STRIP2: variants seen among roughly 807,000 people sequenced by gnomAD.
The protein encoded by STRIP2 is striatin-interacting protein 2.
In STRIP2, 84 loss-of-function variants were observed where a neutral mutation model predicts 107.1. The ratio of observed to expected loss-of-function variants is 0.78; its 90% CI spans 0.66 to 0.94. STRIP2 has a LOEUF of 0.94. Among genes scored for constraint, STRIP2 ranks in the 40% least tolerant of loss-of-function variants. STRIP2 has a pLI of 0.00. For missense variants in STRIP2, 888 were observed against 1,034.2 expected, an observed-to-expected ratio of 0.86 and a Z score of 1.94; for synonymous variants, 394 against 400.4, an observed-to-expected ratio of 0.98 and a Z score of 0.19.
intron 20 of STRIP2, 119 bp from the exon 21 acceptor site, chr7:129,485,455 CAAAAA>C (rs34127145): frequency 5.7e-5 from 44 of 770,598 alleles, no homozygotes; most frequent in African/African-American, 1.6e-4. Flanking sequence ...TTGCTCTTTA[CAAAAA>C]AAAAAAAAAA....
chr7:129,476,552 G>A (rs1562916713), intron 18 of STRIP2, among the ~76,000 whole-genome samples: 1 of 151,592 alleles, frequency 6.6e-6, no homozygotes, highest in African/African-American at 2.4e-5. Flanking sequence ...TCGCGGCCGG[G>A]CAGAGGCACT....
At chr7:129,438,399 T>A (rs1429523683) in intron 1 of STRIP2, among the ~76,000 whole-genome samples, 1 of 152,238 alleles carries the variant, frequency 6.6e-6, no homozygotes, top group Non-Finnish European at 1.5e-5. Flanking sequence ...GTGAGAAGAA[T>A]GCCTTTATAG....
At chr7:129,477,067 C>T (rs1046710419) in intron 18 of STRIP2, among the ~76,000 whole-genome samples, 5 of 151,400 alleles carry the variant, frequency 3.3e-5, no homozygotes, top group South Asian at 4.2e-4. Flanking sequence ...CGCAGGCACT[C>T]GGCAGGCTGA....
In STRIP2 at chr7:129,441,231, AGGGTG is replaced by A. The variant is rs571801068; in HGVS notation, c.199+1141_199+1145del. Among the ~76,000 whole-genome samples the A allele has an allele frequency of 5.7e-3, 875 of 152,318 alleles. 7 individuals are homozygous for A. Among genetic ancestry groups the A allele is most frequent in the African/African-American group, 0.02 (832 of 41,580 alleles). Reference sequence around the variant, plus strand: ...AAAACTTAAAAGCCTGGGGTTGGTGAGGGTGCAGAGAAATTAGTACTTTTATGCAC... The same window carrying A: ...AAAACTTAAAAGCCTGGGGTTGGTGACAGAGAAATTAGTACTTTTATGCAC... On this transcript the variant is annotated intron_variant, in intron 2 of 20. Transcript: ENST00000249344.
chr7:129,483,113 T>A lies in STRIP2; in HGVS notation c.2254+67T>A. ...GGTTTAGACAAAACTAAATAAATAT[T>A]TATCACTCCTCTTTTGGCATGAATT... On this transcript the variant is annotated intron_variant, in intron 20 of 20. Transcript: ENST00000249344. This position sits in a 1 kb window ranked among gnomAD's most constrained non-coding sequence, Gnocchi z 5.1. 6.4e-7 allele frequency: 1 copy of A among 1,552,776 alleles called. No homozygotes were observed. Among genetic ancestry groups the A allele is most frequent in the African/African-American group, 1.4e-5 (1 of 72,914 alleles).
At position 129,464,061 on chromosome 7, in the gene STRIP2, T is replaced by C. The variant is rs981377976; in HGVS notation, c.1569T>C (p.Ile523=). The C allele has an allele frequency of 6.2e-7, 1 of 1,613,676 alleles. No homozygotes were observed. ...CTTCTCAGATCGCTCTGCTTAAGAT[T>C]CTGCTGGCTGCAGCTCCCACCTCTA... ...LPQYMIALLK[I]LLAAAPTSKA... Residue 523 remains isoleucine (I), a synonymous_variant, in exon 15 of 21, where the codon ATT becomes ATC. Coordinates refer to ENST00000249344, the MANE Select transcript of STRIP2 (RefSeq NM_020704.3).
At chr7:129,481,152 T>C (rs527593942) in intron 19 of STRIP2, among the ~76,000 whole-genome samples, 8 of 152,314 alleles carry the variant, frequency 5.3e-5, no homozygotes, top group African/African-American at 1.7e-4. Flanking sequence ...TTGGATTACA[T>C]ACATTCCCAA....
intron 18 of STRIP2, among the ~76,000 whole-genome samples, chr7:129,471,253 G>A (rs1195206629): frequency 6.6e-6 from 1 of 152,076 alleles, no homozygotes. Flanking sequence ...AGTCACTCAC[G>A]GTTATTCTTA....
chr7:129,457,317 A>G (rs1216368616), intron 9 of STRIP2, among the ~76,000 whole-genome samples: 1 of 152,232 alleles, frequency 6.6e-6, no homozygotes, highest in Non-Finnish European at 1.5e-5. Flanking sequence ...TATACCGAAC[A>G]CCATATGCAA....
rs2151021169 is a variant in STRIP2 at position 129,483,245 on chromosome 7, C to T, written c.2254+199C>T. 3 of 1,268,226 alleles carry T rather than the reference C, an allele frequency of 2.4e-6. No homozygotes were observed. Among genetic ancestry groups the T allele is most frequent in the Non-Finnish European group, 3.0e-6 (3 of 1,006,926 alleles). 78.6% of individuals were successfully genotyped at this position (1,268,226 alleles called of 1,614,324 possible). On this transcript the variant is annotated intron_variant, in intron 20 of 20. Coordinates refer to ENST00000249344, the MANE Select transcript of STRIP2 (RefSeq NM_020704.3). The surrounding 1 kb of genome is among the most constrained non-coding windows in gnomAD (Gnocchi z 5.1). The stretch of plus-strand genomic sequence containing the variant: ...AGTATGTACCCTTGTCCTATGTAAA[C>T]TATGAAAATCCGTTTTATAAAACAA...
At chr7:129,437,798 C>CTTTTTTTTTTTTT (rs1797783124) in intron 1 of STRIP2, among the ~76,000 whole-genome samples, 2 of 93,728 alleles carry the variant, frequency 2.1e-5, no homozygotes, top group African/African-American at 3.3e-5. Context: ...CATGATTCGC[C>CTTTTTTTTTTTTT]TTGTTTTTTT....
rs775742735 is a variant in STRIP2 at position 129,460,301 on chromosome 7, C to T, written c.1405C>T (p.His469Tyr). ...GTTGATGTCTTCTTATCTTTGTCAG[C>T]ACAAGTATATCTCCATCGCAGATGT... ...IHESVKTLKQ[H>Y]KYISIADVQI... The change falls in exon 13 of 21, where the codon CAC becomes TAC. Residue 469 changes from histidine (H) to tyrosine (Y), a missense_variant and splice_region_variant. Physicochemically the swap from His to Tyr is moderately conservative, Grantham distance 83 (BLOSUM62 2). Coordinates refer to ENST00000249344, the MANE Select transcript of STRIP2 (RefSeq NM_020704.3). The T allele has an allele frequency of 1.2e-6, 2 of 1,613,240 alleles. No homozygotes were observed. Among genetic ancestry groups the T allele is most frequent in the Non-Finnish European group, 1.7e-6 (2 of 1,179,612 alleles).
Position 129,453,431 on chromosome 7 carries a change from T to C in STRIP2, c.530+84T>C, listed in dbSNP as rs141952332. On this transcript the variant is annotated intron_variant, in intron 5 of 20. Coordinates refer to ENST00000249344, the MANE Select transcript of STRIP2 (RefSeq NM_020704.3). ...ATGTTCTATGCTGCTTCCCTCACTA[T>C]AGAGACCCCCTGTGAGGAACTGGGT... The C allele has an allele frequency of 1.2e-4, 180 of 1,548,144 alleles. 1 individual carries two copies. The East Asian group carries it at 3.3e-3, about 29-fold the overall frequency.
chr7:129,471,937 C>T (rs981247336), intron 18 of STRIP2, among the ~76,000 whole-genome samples: 4 of 152,170 alleles, frequency 2.6e-5, no homozygotes, highest in African/African-American at 9.6e-5. Flanking sequence ...TTGTCTAACC[C>T]TCTCTATGTT....
chr7:129,448,488 C>T (rs1400886259), intron 3 of STRIP2, among the ~76,000 whole-genome samples: 2 of 152,174 alleles, frequency 1.3e-5, no homozygotes, highest in East Asian at 3.8e-4. Flanking sequence ...TATTAACTGG[C>T]TCAAGTCTGG....
chr7:129,459,430 T>C (rs1338466905), intron 11 of STRIP2, 87 bp from the exon 12 acceptor site: 6 of 1,135,670 alleles, frequency 5.3e-6, no homozygotes, highest in Non-Finnish European at 6.7e-6. Context: ...GAAAGTAGCA[T>C]GGTCTGTTGA....
Position 129,464,084 on chromosome 7 carries a change from C to CT in STRIP2, c.1593dup (p.Lys532Ter). On this transcript the variant is annotated frameshift_variant, in exon 15 of 21. Coordinates refer to ENST00000249344, the MANE Select transcript of STRIP2 (RefSeq NM_020704.3). LOFTEE classifies it high-confidence loss of function. ...ATTCTGCTGGCTGCAGCTCCCACCT[C>CT]TAAGGCTAAGACAGACTCTATCAAT... The CT allele has an allele frequency of 6.2e-7, 1 of 1,613,582 alleles. No individual in the cohort carries two copies. The highest frequency in any genetic ancestry group is 1.3e-5 in the African/African-American group (1 of 75,022).
In STRIP2 at chr7:129,459,555, A is replaced by G. The variant is rs760063390; in HGVS notation, c.1379A>G (p.His460Arg). 2 of 1,614,104 alleles carry G rather than the reference A, an allele frequency of 1.2e-6. No homozygotes were observed. The highest frequency in any genetic ancestry group is 1.1e-5 in the South Asian group (1 of 91,068). Residue 460 changes from histidine to arginine, a missense_variant, in exon 12 of 21, where the codon CAT becomes CGT. Transcript: ENST00000249344. Reference protein sequence around the residue: ...DTLVGLPRPIHESVKTLKQHK... With the variant: ...DTLVGLPRPIRESVKTLKQHK... Reference sequence around the variant, plus strand: ...TTGGTTGGATTACCCAGGCCCATCCATGAGAGTGTGAAGACCCTAAAGCAG... The same window carrying G: ...TTGGTTGGATTACCCAGGCCCATCCGTGAGAGTGTGAAGACCCTAAAGCAG...
At chr7:129,450,717 G>C (rs940542766) in intron 3 of STRIP2, among the ~76,000 whole-genome samples, 1 of 152,180 alleles carries the variant, frequency 6.6e-6, no homozygotes, top group Non-Finnish European at 1.5e-5. Context: ...CAAGTAGCTA[G>C]GATTACAGGC....
Sources: gnomAD v4.1 joint callset for allele counts (sites outside exome capture counted in the v4.1 genomes callset) on GRCh38, gnomAD v4.1.1 for gene constraint, Gnocchi (gnomAD v3.1) non-coding constraint, MANE v1.5 for transcripts, NCBI Gene and HGNC (gene_info 2026-07-23, HGNC 2026-07-21) for gene names.